The following EZR variants were observed in gnomAD, a reference collection of about 807,000 sequenced individuals.
The protein encoded by EZR is ezrin, also known as cytovillin 2.
EZR carries 40 observed loss-of-function variants against 74.8 expected under a neutral mutation model. That is an observed-to-expected ratio of 0.53 (90% CI 0.42 to 0.70). The LOEUF is 0.70. Among genes scored for constraint, EZR ranks in the 30% least tolerant of loss-of-function variants. The probability of loss-of-function intolerance (pLI) is 0.00; values close to 1 mark genes in which losing one functional copy is unlikely to be tolerated. For missense variants in EZR, 678 were observed against 755.8 expected (o/e 0.90, Z 1.21); for synonymous variants, 341 against 283.3 (o/e 1.20, Z -2.05).
chr6:158,799,590 C>CT (rs1242796729), intron 2 of EZR, among the ~76,000 whole-genome samples: 1 of 152,232 alleles, frequency 6.6e-6, no homozygotes, highest in Non-Finnish European at 1.5e-5. Context: ...ATCTCACTGT[C>CT]TCCATAAACA....
chr6:158,814,087 G>A (rs1415630736), intron 2 of EZR, among the ~76,000 whole-genome samples: 1 of 152,130 alleles, frequency 6.6e-6, no homozygotes, highest in African/African-American at 2.4e-5. Context: ...AGATGGGGCA[G>A]ACCCACAAGG....
intron 7 of EZR, among the ~76,000 whole-genome samples, chr6:158,776,770 CTGG>C (rs1791290990): frequency 6.6e-6 from 1 of 152,284 alleles, no homozygotes; most frequent in African/African-American, 2.4e-5. Context: ...ATTACCCAGG[CTGG>C]TGATCTCGAG....
intron 7 of EZR, among the ~76,000 whole-genome samples, chr6:158,779,949 A>C (rs929819054): frequency 5.3e-5 from 8 of 151,894 alleles, no homozygotes; most frequent in Non-Finnish European, 1.2e-4. Context: ...TTGGGAAGCC[A>C]AGGTGGGCAG....
chr6:158,790,686 C>CA lies in EZR; in HGVS notation c.13-1316dup, dbSNP rs148357534. On this transcript the variant is annotated intron_variant, in intron 2 of 13. Transcript: ENST00000367075. The stretch of plus-strand genomic sequence containing the variant: ...AAGACTCCATCTCAAAACAAACAAA[C>CA]AAAAAAAACCCACCACCACAACAAC... Among the ~76,000 whole-genome samples the CA allele has an allele frequency of 6.2e-5, 7 of 113,230 alleles. No homozygotes were observed. In the East Asian group the frequency reaches 1.3e-3, roughly 20 times the overall value. The allele number at this position is 113,230 out of a possible 152,430, so 74.3% of individuals were successfully genotyped here.
In EZR at chr6:158,775,960, G is replaced by A. The variant is rs1299541872; in HGVS notation, c.795+448C>T. 5.3e-5 allele frequency among the ~76,000 whole-genome samples: 8 copies of A among 152,188 alleles called. No homozygotes were observed. The South Asian group carries it at 1.2e-3, about 24-fold the overall frequency. ...TGACAACAGAAGTGGGTGAAGCCCC[G>A]ATGAAACCTTGGGCACCAGCAATGC... is the stretch of plus-strand genomic sequence containing the variant. On this transcript the variant is annotated intron_variant, in intron 8 of 13. Transcript: ENST00000367075.
chr6:158,803,598 T>C lies in EZR; in HGVS notation c.13-14227A>G, dbSNP rs1485286853. On this transcript the variant is annotated intron_variant, in intron 2 of 13. Coordinates refer to ENST00000367075, the MANE Select transcript of EZR (RefSeq NM_001111077.2). ...ATATATATACATATATATATATATA[T>C]ATATATACATATATATATATATATA... Among the ~76,000 whole-genome samples, 106 of 14,034 alleles carry C rather than the reference T, an allele frequency of 7.6e-3. 8 individuals are homozygous for C. Among genetic ancestry groups the C allele is most frequent in the African/African-American group, 0.034 (95 of 2,758 alleles). The allele number at this position is 14,034 out of a possible 152,430, so 9.2% of individuals were successfully genotyped here.
At chr6:158,812,971 A>T (rs1777479560) in intron 2 of EZR, among the ~76,000 whole-genome samples, 1 of 152,182 alleles carries the variant, frequency 6.6e-6, no homozygotes. Context: ...TCAATGGTCT[A>T]CCATAACTAC....
chr6:158,805,996 G>A (rs888585832), intron 2 of EZR, among the ~76,000 whole-genome samples: 1 of 152,210 alleles, frequency 6.6e-6, no homozygotes, highest in Non-Finnish European at 1.5e-5. Flanking sequence ...ACAATGACCT[G>A]TTCCCAGTTG....
chr6:158,806,929 A>G (rs955580484), intron 2 of EZR, among the ~76,000 whole-genome samples: 3 of 152,236 alleles, frequency 2.0e-5, no homozygotes, highest in Non-Finnish European at 4.4e-5. Context: ...ACCAATATAC[A>G]CTACATATAT....
intron 2 of EZR, among the ~76,000 whole-genome samples, chr6:158,814,387 A>ACTG (rs56043720): frequency 1.3e-5 from 2 of 151,368 alleles, no homozygotes; most frequent in African/African-American, 4.9e-5. Context: ...TTTCCTCTCG[A>ACTG]CGTTACCTAG....
intron 2 of EZR, among the ~76,000 whole-genome samples, chr6:158,791,271 G>C (rs542825718): frequency 1.3e-5 from 2 of 152,332 alleles, no homozygotes; most frequent in East Asian, 3.9e-4. Flanking sequence ...AAGTTTACTA[G>C]GAGGCAACGA....
At chr6:158,780,232 T>C (rs1164538049) in intron 7 of EZR, among the ~76,000 whole-genome samples, 4 of 150,848 alleles carry the variant, frequency 2.7e-5, no homozygotes, top group East Asian at 1.9e-4. Context: ...ATCCAAAATA[T>C]GTAGCTGAGT....
intron 2 of EZR, among the ~76,000 whole-genome samples, chr6:158,791,588 TC>T (rs1791747396): frequency 6.6e-6 from 1 of 152,054 alleles, no homozygotes; most frequent in Non-Finnish European, 1.5e-5. Flanking sequence ...CACCTTTCTT[TC>T]TCTGCTATCT....
intron 7 of EZR, among the ~76,000 whole-genome samples, chr6:158,781,696 G>A (rs1176989741): frequency 1.3e-5 from 2 of 152,158 alleles, no homozygotes. Flanking sequence ...TGTCTTAATA[G>A]CCACGGCTTC....
At chr6:158,767,963 T>C (rs927989354) in intron 12 of EZR, among the ~76,000 whole-genome samples, 4 of 151,934 alleles carry the variant, frequency 2.6e-5, no homozygotes, top group Non-Finnish European at 4.4e-5. Context: ...AGTGTGGATC[T>C]GCTTTGTAGC....
chr6:158,801,996 C>T (rs1275244070), intron 2 of EZR, among the ~76,000 whole-genome samples: 1 of 152,196 alleles, frequency 6.6e-6, no homozygotes, highest in Non-Finnish European at 1.5e-5. Flanking sequence ...CTTGGCCACA[C>T]ATGGATTGAT....
At chr6:158,770,073 T>C (rs2128565167) in intron 10 of EZR, 129 bp from the exon 11 acceptor site, 3 of 1,252,412 alleles carry the variant, frequency 2.4e-6, no homozygotes, top group Admixed American at 2.4e-5. Context: ...TGTCTTCCAG[T>C]GACCCTGGAG....
chr6:158,784,780 G>A (rs909035427), intron 5 of EZR, 53 bp from the exon 6 acceptor site: 2 of 1,501,970 alleles, frequency 1.3e-6, no homozygotes, highest in African/African-American at 2.7e-5. Flanking sequence ...TGACAGGCAA[G>A]GAAGGAGGCC....
chr6:158,785,213 T>G (rs1216295835), intron 5 of EZR, 96 bp downstream of exon 5: 3 of 1,483,308 alleles, frequency 2.0e-6, no homozygotes, highest in Admixed American at 1.9e-5. Flanking sequence ...ACTGGCGAAG[T>G]CCTTGTGTTT....
Sources: gnomAD v4.1 joint callset for allele counts (sites outside exome capture counted in the v4.1 genomes callset) on GRCh38, gnomAD v4.1.1 for gene constraint, MANE v1.5 for transcripts, NCBI Gene and HGNC (gene_info 2026-07-23, HGNC 2026-07-21) for gene names.